NXPE2: variants seen among roughly 807,000 people sequenced by gnomAD.
NXPE2 encodes the protein neurexophilin and PC-esterase domain family member 2, also known as NXPE family member 2.
Under a neutral mutation model 34.4 loss-of-function variants are expected in NXPE2, and 34 were observed. The ratio of observed to expected loss-of-function variants is 0.99; its 90% confidence interval spans 0.75 to 1.31. The LOEUF (loss-of-function observed/expected upper bound fraction) is 1.31, where lower values mean the gene tolerates loss of function less well. Ranked by LOEUF, NXPE2 falls within the 40% of genes most tolerant of loss-of-function variation. The pLI, the probability that NXPE2 is intolerant of heterozygous loss-of-function variation, is 0.00. For synonymous variants in NXPE2, 235 were observed against 231.3 expected (o/e 1.02, Z -0.15); for missense variants, 649 against 672.5 (o/e 0.97, Z 0.39).
chr11:114,622,843 A>G, the NXPE2 span, among the ~76,000 whole-genome samples: 2 of 151,694 alleles, frequency 1.3e-5, no homozygotes, highest in Non-Finnish European at 2.9e-5. Flanking sequence ...GATAGTAAGT[A>G]TTGCTTCATG....
chr11:114,577,159 G>C, the NXPE2 span, among the ~76,000 whole-genome samples: 1 of 127,576 alleles, frequency 7.8e-6, no homozygotes, highest in Admixed American at 8.4e-5. Flanking sequence ...ATATATATGT[G>C]TCATATATAT....
chr11:114,664,588 A>T, the NXPE2 span, among the ~76,000 whole-genome samples: 1 of 152,322 alleles, frequency 6.6e-6, no homozygotes, highest in African/African-American at 2.4e-5. Context: ...GAGCTCCTTG[A>T]AAGTACAGAT....
the NXPE2 span, among the ~76,000 whole-genome samples, chr11:114,492,086 C>T: frequency 6.6e-5 from 10 of 152,016 alleles, no homozygotes; most frequent in Non-Finnish European, 1.3e-4. Context: ...GTGCAGCACA[C>T]CAACATGGCA....
the NXPE2 span, among the ~76,000 whole-genome samples, chr11:114,758,528 C>T: frequency 2.0e-5 from 3 of 152,050 alleles, no homozygotes; most frequent in Non-Finnish European, 2.9e-5. Context: ...GGATATATGG[C>T]GATTTTTCAC....
At chr11:114,499,399 C>T in the NXPE2 span, among the ~76,000 whole-genome samples, 1 of 151,436 alleles carries the variant, frequency 6.6e-6, no homozygotes, top group Admixed American at 6.6e-5. Context: ...TTGTTTTTTG[C>T]CATTTTTAAA....
the NXPE2 span, among the ~76,000 whole-genome samples, chr11:114,568,443 T>C: frequency 6.6e-6 from 1 of 152,264 alleles, no homozygotes; most frequent in South Asian, 2.1e-4. Flanking sequence ...TAGTAGTCCA[T>C]GGTGATGCTT....
At chr11:114,504,697 A>C in the NXPE2 span, among the ~76,000 whole-genome samples, 1 of 152,062 alleles carries the variant, frequency 6.6e-6, no homozygotes, top group East Asian at 1.9e-4. Context: ...TTTATATCAC[A>C]ATCAGACCCT....
the NXPE2 span, among the ~76,000 whole-genome samples, chr11:114,726,589 T>C: frequency 7.2e-5 from 11 of 152,114 alleles, no homozygotes; most frequent in Admixed American, 6.6e-5. Flanking sequence ...TTTTGTACAA[T>C]GGACAGGCTG....
the NXPE2 span, among the ~76,000 whole-genome samples, chr11:114,524,391 C>T: frequency 6.6e-6 from 1 of 152,184 alleles, no homozygotes; most frequent in African/African-American, 2.4e-5. Context: ...CTGCCTATGT[C>T]CACAGAATAG....
At chr11:114,806,498 TA>T in the NXPE2 span, among the ~76,000 whole-genome samples, 11 of 152,180 alleles carry the variant, frequency 7.2e-5, no homozygotes, top group African/African-American at 2.2e-4. Context: ...GAGAAGTCCT[TA>T]AAGGACCTGA....
At chr11:114,479,739 T>G in the NXPE2 span, among the ~76,000 whole-genome samples, 1 of 152,122 alleles carries the variant, frequency 6.6e-6, no homozygotes, top group Admixed American at 6.6e-5. Context: ...AGATGGCAAT[T>G]GGAGGGCAAT....
the NXPE2 span, among the ~76,000 whole-genome samples, chr11:114,629,175 G>C: frequency 4.6e-5 from 7 of 152,124 alleles, no homozygotes; most frequent in African/African-American, 1.7e-4. Context: ...CATTTTATGA[G>C]GCCAGCATCA....
At chr11:114,654,169 T>C in the NXPE2 span, among the ~76,000 whole-genome samples, 1 of 151,976 alleles carries the variant, frequency 6.6e-6, no homozygotes, top group Non-Finnish European at 1.5e-5. Flanking sequence ...GGCATTGAAG[T>C]CTCTTTATCA....
At chr11:114,488,236 T>G in the NXPE2 span, among the ~76,000 whole-genome samples, 1 of 152,142 alleles carries the variant, frequency 6.6e-6, no homozygotes, top group Non-Finnish European at 1.5e-5. Flanking sequence ...TTGGGAGGTT[T>G]TACGTGCCTA....
chr11:114,704,079 A>G, intron 4 of NXPE2, 27 bp downstream of exon 4: 8 of 1,491,396 alleles, frequency 5.4e-6, no homozygotes, highest in Non-Finnish European at 7.3e-6. Context: ...GTTGTCTGCC[A>G]TGATCACAAT....
chr11:114,472,653 C>G, the NXPE2 span, among the ~76,000 whole-genome samples: 1 of 152,074 alleles, frequency 6.6e-6, no homozygotes, highest in Non-Finnish European at 1.5e-5. Flanking sequence ...TGCTGTCAGA[C>G]TTGGTGTCTG....
At chr11:114,617,813 A>G in the NXPE2 span, among the ~76,000 whole-genome samples, 1 of 152,096 alleles carries the variant, frequency 6.6e-6, no homozygotes, top group Admixed American at 6.6e-5. Context: ...ATGGATAATA[A>G]GTGTTGCCTC....
chr11:114,608,488 G>C, the NXPE2 span, among the ~76,000 whole-genome samples: 1 of 151,796 alleles, frequency 6.6e-6, no homozygotes, highest in African/African-American at 2.4e-5. Context: ...GGTAATCAAT[G>C]TTACCTGGTA....
chr11:114,610,233 C>T, the NXPE2 span, among the ~76,000 whole-genome samples: 2,133 of 151,952 alleles, frequency 0.014, 50 homozygotes, highest in African/African-American at 0.047. Flanking sequence ...AGTGTTGCCT[C>T]GTGGTTAACC....
Sources: gnomAD v4.1 joint callset for allele counts (sites outside exome capture counted in the v4.1 genomes callset) on GRCh38, gnomAD v4.1.1 for gene constraint, MANE v1.5 for transcripts, NCBI Gene and HGNC (gene_info 2026-07-23, HGNC 2026-07-21) for gene names.